Variants in ADAM19 observed in about 807,000 individuals in gnomAD.
ADAM19 encodes ADAM metallopeptidase domain 19.
A neutral mutation model predicts 114.7 loss-of-function variants in ADAM19; 65 were observed. The observed-to-expected ratio is 0.57, with a 90% CI of 0.46 to 0.70. ADAM19 has a LOEUF of 0.70. Among genes scored for constraint, ADAM19 ranks in the 30% least tolerant of loss-of-function variants. The pLI is 0.00. For missense variants in ADAM19, 1,063 were observed against 1,204.7 expected (o/e 0.88, Z 1.74); for synonymous variants, 466 against 460.5 (o/e 1.01, Z -0.15).
chr5:157,502,730 GT>G lies in ADAM19; in HGVS notation c.1308+72del. 3.3e-6 allele frequency: 5 copies of G among 1,527,094 alleles called. No individual in the cohort carries two copies. In the East Asian group the frequency reaches 1.1e-4, roughly 35 times the overall value. The allele number at this position is 1,527,094 out of a possible 1,614,324, so 94.6% of individuals were successfully genotyped here. A position where few individuals can be genotyped will look rare whatever the true frequency, so the allele number is the denominator to read the frequency against. On this transcript the variant is annotated intron_variant, in intron 12 of 22. Coordinates refer to ENST00000257527, the MANE Select transcript of ADAM19 (RefSeq NM_033274.5). ...CTGTGACTAAGAAATTTTCAATTGT[GT>G]TCTCTTTGACCTTGAGTTTTGAAAC... is the stretch of plus-strand genomic sequence containing the variant.
chr5:157,514,112 A>G lies in ADAM19; in HGVS notation c.667-607T>C, dbSNP rs577258051. 5.3e-5 allele frequency among the ~76,000 whole-genome samples: 8 copies of G among 152,344 alleles called. No individual in the cohort carries two copies. In the South Asian group the frequency reaches 1.0e-3, roughly 20 times the overall value. On this transcript the variant is annotated intron_variant, in intron 7 of 22. Transcript: ENST00000257527. The stretch of plus-strand genomic sequence containing the variant: ...GTGACAGACCCTGTACTTAAGGAGT[A>G]TAGAACTGAAATGGTTGAGAAAACC...
At chr5:157,518,752 G>T in intron 7 of ADAM19, 71 bp downstream of exon 7, 1 of 1,177,956 alleles carries the variant, frequency 8.5e-7, no homozygotes, top group Non-Finnish European at 1.3e-6. Context: ...TTTCCCCAAA[G>T]CAGTCTGGAG....
intron 14 of ADAM19, among the ~76,000 whole-genome samples, chr5:157,495,658 G>A (rs1183234990): frequency 6.6e-6 from 1 of 151,948 alleles, no homozygotes; most frequent in Non-Finnish European, 1.5e-5. Flanking sequence ...TTTTGAGACA[G>A]AGTCTTGCTC....
In ADAM19 at chr5:157,530,803, T is replaced by C. The variant is rs765081990; in HGVS notation, c.407+4A>G. 6.2e-7 allele frequency: 1 copy of C among 1,613,884 alleles called. No individual in the cohort carries two copies. The highest frequency in any genetic ancestry group is 8.5e-7 in the Non-Finnish European group (1 of 1,179,744). On this transcript the variant is annotated splice_donor_region_variant and intron_variant, in intron 5 of 22. Transcript: ENST00000257527. Reference sequence around the variant, plus strand: ...GTGCCACCTGCAGCCTCAGGGTCTCTTACCTAATTCCTCGGCAAGTGCTGA... The same window carrying C: ...GTGCCACCTGCAGCCTCAGGGTCTCCTACCTAATTCCTCGGCAAGTGCTGA...
chr5:157,516,973 G>A lies in ADAM19; in HGVS notation c.666+1850C>T, dbSNP rs147457580. On this transcript the variant is annotated intron_variant, in intron 7 of 22. Transcript: ENST00000257527. ...ACACACACACACACAAACAGCTGTT[G>A]GAAAAACCAATATCAACATCAGTTA... is the stretch of plus-strand genomic sequence containing the variant. 2.1e-3 allele frequency among the ~76,000 whole-genome samples: 323 copies of A among 151,766 alleles called. 3 individuals are homozygous for A. The highest frequency in any genetic ancestry group is 0.021 in the Middle Eastern group (6 of 292).
chr5:157,575,523 T>G, intron 1 of ADAM19, 80 bp downstream of exon 1: 1 of 1,095,880 alleles, frequency 9.1e-7, no homozygotes, highest in Non-Finnish European at 1.2e-6. Flanking sequence ...GGGGTCGCGG[T>G]CCCAGCGCTC....
At chr5:157,533,844 C>T (rs1756689942) in intron 4 of ADAM19, among the ~76,000 whole-genome samples, 1 of 152,066 alleles carries the variant, frequency 6.6e-6, no homozygotes, top group Admixed American at 6.5e-5. Context: ...TGGTGCACTC[C>T]TGTCGTCCCA....
chr5:157,517,834 C>A (rs548848648), intron 7 of ADAM19, among the ~76,000 whole-genome samples: 2 of 152,336 alleles, frequency 1.3e-5, no homozygotes, highest in Admixed American at 1.3e-4. Flanking sequence ...GAGTTAAAGG[C>A]TGAACTGCTA....
chr5:157,523,115 G>A (rs1369720925), intron 5 of ADAM19, among the ~76,000 whole-genome samples: 1 of 152,116 alleles, frequency 6.6e-6, no homozygotes, highest in Non-Finnish European at 1.5e-5. Context: ...ATGGTTAAGG[G>A]CAGTGTGGGC....
At chr5:157,519,734 G>A in intron 6 of ADAM19, 105 bp downstream of exon 6, 1 of 1,050,242 alleles carries the variant, frequency 9.5e-7, no homozygotes, top group Non-Finnish European at 1.4e-6. Context: ...TTTTTCTTAG[G>A]CATCACCTTC....
intron 7 of ADAM19, among the ~76,000 whole-genome samples, chr5:157,514,681 T>C (rs1756040465): frequency 6.6e-6 from 1 of 151,502 alleles, no homozygotes; most frequent in African/African-American, 2.4e-5. Context: ...CCATTAGAAA[T>C]ATCTGCCATG....
rs1180214085 is a variant in ADAM19, at chr5:157,516,539, C to T, written c.666+2284G>A. ...CACCCAGTGGGTTTGAAAGCCTGCA[C>T]AGAGATTCCTCTGAGAACAATGCAA... is the stretch of plus-strand genomic sequence containing the variant. On this transcript the variant is annotated intron_variant, in intron 7 of 22. Transcript: ENST00000257527. Among the ~76,000 whole-genome samples, 6 of 152,158 alleles carry T rather than the reference C, an allele frequency of 3.9e-5. No homozygotes were observed. The South Asian group carries it at 1.2e-3, about 31-fold the overall frequency.
chr5:157,542,261 T>A (rs972735465), intron 3 of ADAM19, among the ~76,000 whole-genome samples: 10 of 82,742 alleles, frequency 1.2e-4, no homozygotes, highest in African/African-American at 6.9e-4. Flanking sequence ...TTTTAATAGT[T>A]TTTTTTTTTT....
At chr5:157,570,809 G>T in intron 2 of ADAM19, 86 bp downstream of exon 2, 2 of 1,170,050 alleles carry the variant, frequency 1.7e-6, no homozygotes, top group Non-Finnish European at 2.5e-6. Flanking sequence ...TAATGGTGAT[G>T]ACTGGGATTC....
chr5:157,550,583 C>A (rs142480423), intron 3 of ADAM19, among the ~76,000 whole-genome samples: 115 of 151,624 alleles, frequency 7.6e-4, no homozygotes, highest in African/African-American at 2.6e-3. Context: ...CAGATTATGG[C>A]GATGGCTGCA....
chr5:157,521,649 G>A (rs1561541935), intron 5 of ADAM19, among the ~76,000 whole-genome samples: 1 of 152,108 alleles, frequency 6.6e-6, no homozygotes, highest in Admixed American at 6.6e-5. Flanking sequence ...CCAGTCTGAC[G>A]CAGCAGTACC....
intron 4 of ADAM19, 134 bp downstream of exon 4, chr5:157,537,779 G>A (rs1756804900): frequency 1.4e-6 from 1 of 704,758 alleles, no homozygotes; most frequent in Non-Finnish European, 2.4e-6. Flanking sequence ...CTTCTCGTTT[G>A]CTCCCTTGGT....
intron 19 of ADAM19, among the ~76,000 whole-genome samples, chr5:157,489,783 C>T (rs112192785): frequency 0.075 from 11,434 of 152,174 alleles, 588 homozygotes; most frequent in South Asian, 0.19. Context: ...GTCAAGAGTT[C>T]GAGACCAGCC....
intron 8 of ADAM19, among the ~76,000 whole-genome samples, chr5:157,510,355 T>G (rs561013153): frequency 2.6e-5 from 4 of 152,260 alleles, no homozygotes; most frequent in Non-Finnish European, 5.9e-5. Context: ...ATGCCTGTAA[T>G]CCCAGCTACT....
Sources: allele counts gnomAD v4.1 joint callset (sites outside exome capture counted in the v4.1 genomes callset), GRCh38; gene constraint gnomAD v4.1.1; transcripts MANE v1.5; gene names NCBI Gene and HGNC (gene_info 2026-07-23, HGNC 2026-07-21).